The following ADGRA1 variants were observed in gnomAD, a reference collection of about 807,000 sequenced individuals.
ADGRA1 encodes adhesion G protein-coupled receptor A1.
In ADGRA1, 12 loss-of-function variants were observed where a neutral mutation model predicts 21.3. The observed-to-expected ratio is 0.56, with a 90% CI of 0.36 to 0.91. The LOEUF is 0.91. Ranked by LOEUF, ADGRA1 falls within the 40% of genes least tolerant of loss-of-function variation. The pLI is 0.01. For missense variants in ADGRA1, 790 were observed against 805.6 expected (o/e 0.98, Z 0.23); for synonymous variants, 385 against 368.8 (o/e 1.04, Z -0.50).
rs1852458408 is a variant in ADGRA1, at chr10:133,129,234, T to C, written c.1406T>C (p.Leu469Pro). Reference protein sequence around the residue: ...SLDGPAGTHTLACCTQGDPFP... With the variant: ...SLDGPAGTHTPACCTQGDPFP... The stretch of plus-strand genomic sequence containing the variant: ...GATGGCCCGGCGGGGACACACACGC[T>C]GGCCTGCTGCACCCAGGGCGACCCC... Residue 469 changes from leucine (L) to proline (P), a missense_variant, in exon 7 of 7, where the codon CTG becomes CCG. By Grantham distance (98) the Leu-to-Pro change is moderately conservative. Around this residue, in one of 3 missense-constraint regions of ADGRA1, gnomAD observed 391 missense variants for 351.5 expected, o/e 1.11. Coordinates refer to ENST00000392607, the MANE Select transcript of ADGRA1 (RefSeq NM_001083909.3). 1.9e-6 allele frequency: 3 copies of C among 1,549,538 alleles called. No individual in the cohort carries two copies. Among genetic ancestry groups the C allele is most frequent in the African/African-American group, 2.7e-5 (2 of 73,002 alleles).
chr10:133,126,426 T>A (rs952974510), intron 5 of ADGRA1, among the ~76,000 whole-genome samples: 3 of 152,170 alleles, frequency 2.0e-5, no homozygotes, highest in African/African-American at 7.2e-5. Context: ...GGCAGGGGTC[T>A]GTGGCCAACC....
chr10:133,094,461 C>G (rs1050745485), intron 2 of ADGRA1, among the ~76,000 whole-genome samples: 2 of 152,338 alleles, frequency 1.3e-5, no homozygotes, highest in East Asian at 1.9e-4. Context: ...CCCTCGCCCC[C>G]GTAGCTGAGC....
At chr10:133,123,567 C>T (rs1322480175) in intron 5 of ADGRA1, among the ~76,000 whole-genome samples, 1 of 152,206 alleles carries the variant, frequency 6.6e-6, no homozygotes, top group Non-Finnish European at 1.5e-5. Context: ...CAGCTGGGGC[C>T]GCACCGCCTT....
chr10:133,120,130 G>T (rs901905796), intron 5 of ADGRA1, among the ~76,000 whole-genome samples: 2 of 152,234 alleles, frequency 1.3e-5, no homozygotes, highest in Admixed American at 1.3e-4. Flanking sequence ...TAGGCCAAGC[G>T]CGGTGGCTCA....
At position 133,088,820 on chromosome 10, in the gene ADGRA1, G is replaced by A; in HGVS notation, c.-90G>A. ...GGACTTTGACCTTCCAGAGGCCATG[G>A]AGGCTGGCGGGGAGCAGGGCGCCAC... On this transcript the variant is annotated 5_prime_UTR_variant, in exon 2 of 7. Transcript: ENST00000392607. The A allele has an allele frequency of 8.1e-7, 1 of 1,234,724 alleles. No individual in the cohort carries two copies. Among genetic ancestry groups the A allele is most frequent in the East Asian group, 3.2e-5 (1 of 31,696 alleles). The allele number at this position is 1,234,724 out of a possible 1,614,324, so 76.5% of individuals were successfully genotyped here.
intron 4 of ADGRA1, among the ~76,000 whole-genome samples, chr10:133,100,101 G>C (rs376030119): frequency 1.3e-5 from 2 of 152,372 alleles, no homozygotes; most frequent in East Asian, 3.9e-4. Flanking sequence ...CTGGCGTCCG[G>C]CACGCAGAGG....
chr10:133,124,566 C>G (rs916852312), intron 5 of ADGRA1, among the ~76,000 whole-genome samples: 1 of 152,254 alleles, frequency 6.6e-6, no homozygotes, highest in African/African-American at 2.4e-5. Context: ...GGTGGCCATT[C>G]CCCGACGCCC....
chr10:133,105,363 C>A (rs535159866), intron 5 of ADGRA1, among the ~76,000 whole-genome samples: 33 of 152,302 alleles, frequency 2.2e-4, no homozygotes, highest in African/African-American at 7.2e-4. Flanking sequence ...GTCCCCGGCC[C>A]AGCTCTGCAA....
intron 5 of ADGRA1, among the ~76,000 whole-genome samples, chr10:133,121,442 T>C (rs527319426): frequency 3.8e-4 from 57 of 150,230 alleles, no homozygotes; most frequent in African/African-American, 1.3e-3. Flanking sequence ...TGTGCGTGTG[T>C]GCGTGTGCGT....
Position 133,096,839 on chromosome 10 carries a change from C to T in ADGRA1, c.4-135C>T, listed in dbSNP as rs549628034. 278 of 1,117,836 alleles carry T rather than the reference C, an allele frequency of 2.5e-4. 2 individuals are homozygous for T. The highest frequency in any genetic ancestry group is 3.4e-4 in the Non-Finnish European group (264 of 787,642). 69.2% of individuals were successfully genotyped at this position (1,117,836 alleles called of 1,614,324 possible). On this transcript the variant is annotated intron_variant, in intron 2 of 6. Coordinates refer to ENST00000392607, the MANE Select transcript of ADGRA1 (RefSeq NM_001083909.3). Reference sequence around the variant, plus strand: ...GACCGTACCTCCCCAGGCAGCCCCCCTTCCCTGAGACCCCACACGAAAATG... The same window carrying T: ...GACCGTACCTCCCCAGGCAGCCCCCTTTCCCTGAGACCCCACACGAAAATG...
chr10:133,119,379 G>A (rs980719370), intron 5 of ADGRA1, among the ~76,000 whole-genome samples: 3 of 152,218 alleles, frequency 2.0e-5, no homozygotes, highest in African/African-American at 4.8e-5. Flanking sequence ...AGAAGGCTGG[G>A]GCGGCTGTGG....
intron 5 of ADGRA1, among the ~76,000 whole-genome samples, chr10:133,109,787 T>C (rs1292823900): frequency 1.3e-5 from 2 of 152,196 alleles, no homozygotes; most frequent in East Asian, 1.9e-4. Context: ...GTAGTAAATA[T>C]GTGTGAAATC....
rs1052876125 is a variant in ADGRA1, at chr10:133,124,583, T to G, written c.402-2650T>G. ...TGGCCATTCCCCGACGCCCAGAGTC[T>G]GCCTGGGGCTTAGACGGGATTCGAC... On this transcript the variant is annotated intron_variant, in intron 5 of 6. Coordinates refer to ENST00000392607, the MANE Select transcript of ADGRA1 (RefSeq NM_001083909.3). 3.9e-5 allele frequency among the ~76,000 whole-genome samples: 6 copies of G among 152,360 alleles called. No homozygotes were observed. The East Asian group carries it at 1.2e-3, about 29-fold the overall frequency.
rs760117562 is a variant in ADGRA1, at chr10:133,128,316, C to T, written c.501-13C>T. On this transcript the variant is annotated splice_polypyrimidine_tract_variant and intron_variant, in intron 6 of 6. Transcript: ENST00000392607. ...TGCTGGCCCCGCTGACACTGACGTG[C>T]GTCTCCCCACAGCTGCTGGATGGCC... The T allele has an allele frequency of 1.1e-5, 16 of 1,519,190 alleles. No individual in the cohort carries two copies. In the East Asian group the frequency reaches 2.6e-4, roughly 24 times the overall value. The allele number at this position is 1,519,190 out of a possible 1,614,324, so 94.1% of individuals were successfully genotyped here. A position where few individuals can be genotyped will look rare whatever the true frequency, so the allele number is the denominator to read the frequency against.
chr10:133,102,475 G>T (rs971575042), intron 4 of ADGRA1: 1 of 664,310 alleles, frequency 1.5e-6, no homozygotes, highest in Non-Finnish European at 2.8e-6. Flanking sequence ...TCCCGTCTCT[G>T]TGCAGAAGGG....
rs188337703 is a variant in ADGRA1, at chr10:133,097,455, T to C, written c.131+354T>C. Among the ~76,000 whole-genome samples, 517 of 152,320 alleles carry C rather than the reference T, an allele frequency of 3.4e-3. 2 individuals carry two copies. The highest frequency in any genetic ancestry group is 0.012 in the African/African-American group (482 of 41,570). On this transcript the variant is annotated intron_variant, in intron 3 of 6. Transcript: ENST00000392607. ...GTTCCCCCGGGCAGTCACTATGGCC[T>C]GCAGAGCCTGGGAGAGGCACCAAGA... is the stretch of plus-strand genomic sequence containing the variant.
intron 5 of ADGRA1, among the ~76,000 whole-genome samples, chr10:133,111,767 A>G (rs78565806): frequency 0.19 from 294 of 1,588 alleles, 14 homozygotes; most frequent in South Asian, 0.26. Flanking sequence ...CCCGCCACAG[A>G]CACCTCCCTC....
intron 1 of ADGRA1, 68 bp from the exon 2 acceptor site, chr10:133,088,640 G>A (rs1851545045): frequency 5.7e-6 from 6 of 1,053,984 alleles, no homozygotes; most frequent in Non-Finnish European, 7.2e-6. Context: ...CCCTGGCGGG[G>A]TCGGGGCTGC....
chr10:133,105,719 G>C (rs1393008106), intron 5 of ADGRA1, among the ~76,000 whole-genome samples: 1 of 152,182 alleles, frequency 6.6e-6, no homozygotes, highest in African/African-American at 2.4e-5. Context: ...CACCCCCCAA[G>C]ACCCCCAACT....
Sources: allele counts gnomAD v4.1 joint callset (sites outside exome capture counted in the v4.1 genomes callset), GRCh38; gene constraint gnomAD v4.1.1; regional missense constraint gnomAD v4.1.1; transcripts MANE v1.5; gene names NCBI Gene and HGNC (gene_info 2026-07-23, HGNC 2026-07-21).